The following NOSTRIN variants were observed in gnomAD, a reference collection of about 807,000 sequenced individuals.
NOSTRIN encodes BM247 homolog.
A neutral mutation model predicts 59.0 loss-of-function variants in NOSTRIN; 63 were observed. The observed-to-expected ratio is 1.07, with a 90% confidence interval of 0.87 to 1.32. The LOEUF (loss-of-function observed/expected upper bound fraction) is 1.32, where lower values mean the gene tolerates loss of function less well. Among genes scored for constraint, NOSTRIN ranks in the 40% most tolerant of loss-of-function variants. NOSTRIN has a pLI of 0.00. For missense variants in NOSTRIN, 512 were observed against 473.1 expected, an observed-to-expected ratio of 1.08 and a Z score of -0.76; for synonymous variants, 200 against 165.4, an observed-to-expected ratio of 1.21 and a Z score of -1.61.
rs1030145593 is a variant in NOSTRIN at position 168,842,657 on chromosome 2, A to G, written c.505-335A>G. On this transcript the variant is annotated intron_variant, in intron 7 of 15. Transcript: ENST00000317647. ...CTATGGGATTCATTGGCCAATTGCAATCTTGACCTGTACTGTCAATTCTCA... is the reference window on the plus strand; with the variant it reads ...CTATGGGATTCATTGGCCAATTGCAGTCTTGACCTGTACTGTCAATTCTCA... Among the ~76,000 whole-genome samples the G allele has an allele frequency of 3.3e-5, 5 of 152,316 alleles. No individual in the cohort carries two copies. The East Asian group carries it at 5.8e-4, about 18-fold the overall frequency.
Position 168,828,412 on chromosome 2 carries a change from A to G in NOSTRIN, c.261-8A>G. The G allele has an allele frequency of 1.1e-6, 1 of 869,570 alleles. No homozygotes were observed. The highest frequency in any genetic ancestry group is 2.0e-6 in the Non-Finnish European group (1 of 500,898). 53.9% of individuals were successfully genotyped at this position (869,570 alleles called of 1,614,324 possible). A position where few individuals can be genotyped will look rare whatever the true frequency, so the allele number is the denominator to read the frequency against. On this transcript the variant is annotated splice_region_variant and splice_polypyrimidine_tract_variant and intron_variant, in intron 4 of 15. Coordinates refer to ENST00000317647, the MANE Select transcript of NOSTRIN (RefSeq NM_001039724.4). Reference sequence around the variant, plus strand: ...TATGCTTATGTGTCTTTTATGTTTTATTTCCAGAAAACTTGGCAAAGCAAT... The same window carrying G: ...TATGCTTATGTGTCTTTTATGTTTTGTTTCCAGAAAACTTGGCAAAGCAAT...
At chr2:168,862,273 T>G (rs1171057930) in intron 15 of NOSTRIN, among the ~76,000 whole-genome samples, 1 of 152,226 alleles carries the variant, frequency 6.6e-6, no homozygotes, top group East Asian at 1.9e-4. Flanking sequence ...TATTGTCCAA[T>G]TTAATATTCA....
intron 15 of NOSTRIN, among the ~76,000 whole-genome samples, chr2:168,862,602 CACTT>C (rs759229295): frequency 7.1e-4 from 108 of 152,344 alleles, no homozygotes; most frequent in Non-Finnish European, 1.4e-3. Flanking sequence ...GTGCTGGTCT[CACTT>C]ACTTCTCAGA....
At chr2:168,846,812 C>T (rs940570576) in intron 8 of NOSTRIN, among the ~76,000 whole-genome samples, 6 of 152,184 alleles carry the variant, frequency 3.9e-5, no homozygotes, top group African/African-American at 1.2e-4. Context: ...GAAAATGATT[C>T]GAGTGGCTGC....
At chr2:168,788,546 C>G (rs191100285) in intron 2 of NOSTRIN, among the ~76,000 whole-genome samples, 4 of 152,186 alleles carry the variant, frequency 2.6e-5, no homozygotes, top group African/African-American at 9.6e-5. Context: ...CATGAAGAAT[C>G]AAAGCCCAAG....
intron 2 of NOSTRIN, among the ~76,000 whole-genome samples, chr2:168,824,193 C>A (rs1002027232): frequency 6.6e-6 from 1 of 152,208 alleles, no homozygotes; most frequent in Non-Finnish European, 1.5e-5. Flanking sequence ...ATCATCTCTT[C>A]TTTACGTAGG....
At chr2:168,804,402 A>G (rs1685741679) in intron 1 of NOSTRIN, among the ~76,000 whole-genome samples, 1 of 152,142 alleles carries the variant, frequency 6.6e-6, no homozygotes, top group African/African-American at 2.4e-5. Context: ...GGGTTTCCAA[A>G]CCCTCTAAAC....
At chr2:168,857,790 C>G (rs1689213215) in intron 12 of NOSTRIN, among the ~76,000 whole-genome samples, 1 of 152,150 alleles carries the variant, frequency 6.6e-6, no homozygotes, top group East Asian at 1.9e-4. Context: ...TGCTTATAGC[C>G]TAACTTTCTT....
intron 1 of NOSTRIN, among the ~76,000 whole-genome samples, chr2:168,806,312 T>C (rs1380309351): frequency 6.6e-6 from 1 of 152,140 alleles, no homozygotes. Context: ...AATAAATTTT[T>C]CTATAACTTT....
In NOSTRIN at chr2:168,787,318, G is replaced by A. The variant is rs1264432471; in HGVS notation, c.-660-543G>A. 4.6e-5 allele frequency among the ~76,000 whole-genome samples: 7 copies of A among 152,228 alleles called. No homozygotes were observed. In the East Asian group the frequency reaches 1.4e-3, roughly 29 times the overall value. Reference sequence around the variant, plus strand: ...ATCCTCATCCCTCCCCATGGGCACTGTCTCAGAATGTGCCATGCCTGTGAC... The same window carrying A: ...ATCCTCATCCCTCCCCATGGGCACTATCTCAGAATGTGCCATGCCTGTGAC... On this transcript the variant is annotated intron_variant, in intron 1 of 20. Transcript: ENST00000458381.
chr2:168,823,995 A>C (rs1427632662), intron 2 of NOSTRIN, among the ~76,000 whole-genome samples: 1 of 152,182 alleles, frequency 6.6e-6, no homozygotes, highest in Non-Finnish European at 1.5e-5. Context: ...GAATCACTTG[A>C]ACCTGGGAGG....
chr2:168,824,768 T>TTTGTTTGTTTG (rs1553523543), intron 3 of NOSTRIN, 51 bp downstream of exon 3: 6 of 736,688 alleles, frequency 8.1e-6, no homozygotes, highest in Non-Finnish European at 9.7e-6. Context: ...TTTATTTGTT[T>TTTGTTTGTTTG]TTTGTTTGTT....
upstream of NOSTRIN, among the ~76,000 whole-genome samples, chr2:168,796,622 A>T (rs780318191): frequency 2.0e-5 from 3 of 151,986 alleles, no homozygotes; most frequent in Non-Finnish European, 4.4e-5. Context: ...CAGTCCCAAG[A>T]CTCTCCTTAC....
intron 2 of NOSTRIN, among the ~76,000 whole-genome samples, chr2:168,793,060 A>G (rs1685395776): frequency 6.6e-6 from 1 of 152,270 alleles, no homozygotes; most frequent in East Asian, 1.9e-4. Flanking sequence ...AGAGAATGGA[A>G]TTTTGAGGAA....
At position 168,790,392 on chromosome 2, in the gene NOSTRIN, A is replaced by T. The variant is rs369931311; in HGVS notation, c.-473+2344A>T. ...ACTAACTTCAAAGGTTAAAGTAGTG[A>T]CTCTACAGCGAAGCAGCCTGGCAGA... On this transcript the variant is annotated intron_variant, in intron 2 of 20. Transcript: ENST00000458381. Among the ~76,000 whole-genome samples, 55 of 152,284 alleles carry T rather than the reference A, an allele frequency of 3.6e-4. No homozygotes were observed. The South Asian group carries it at 0.011, about 32-fold the overall frequency.
At position 168,865,004 on chromosome 2, in the gene NOSTRIN, G is replaced by C; in HGVS notation, c.*34G>C. 6.2e-7 allele frequency: 1 copy of C among 1,609,444 alleles called. No individual in the cohort carries two copies. The highest frequency in any genetic ancestry group is 8.5e-7 in the Non-Finnish European group (1 of 1,177,514). On this transcript the variant is annotated 3_prime_UTR_variant, in exon 16 of 16. Transcript: ENST00000317647. The stretch of plus-strand genomic sequence containing the variant: ...TCTGAACATACTACCTTCACACTCG[G>C]TAATCAACAATACAGTGTGGTTCAA...
intron 6 of NOSTRIN, 125 bp downstream of exon 6, chr2:168,831,659 T>G (rs1687369553): frequency 3.2e-6 from 2 of 633,218 alleles, no homozygotes; most frequent in Non-Finnish European, 5.9e-6. Flanking sequence ...GAGAAAAATG[T>G]TTCCTTACCT....
At chr2:168,839,744 G>C (rs1014850894) in intron 7 of NOSTRIN, among the ~76,000 whole-genome samples, 5 of 151,594 alleles carry the variant, frequency 3.3e-5, no homozygotes, top group African/African-American at 1.2e-4. Flanking sequence ...TGAAATCCTG[G>C]GCGTGGTGGC....
chr2:168,817,994 C>T (rs1686503138), intron 2 of NOSTRIN, among the ~76,000 whole-genome samples: 1 of 152,184 alleles, frequency 6.6e-6, no homozygotes, highest in African/African-American at 2.4e-5. Flanking sequence ...CATCCACCCC[C>T]AAACTGGAAG....
Sources: allele counts gnomAD v4.1 joint callset (sites outside exome capture counted in the v4.1 genomes callset), GRCh38; gene constraint gnomAD v4.1.1; transcripts MANE v1.5; gene names NCBI Gene and HGNC (gene_info 2026-07-23, HGNC 2026-07-21).